Variants in PHF3 observed in about 807,000 individuals in gnomAD.
PHF3 encodes PHD finger protein 3.
A neutral mutation model predicts 178.4 loss-of-function variants in PHF3; 41 were observed. The observed-to-expected ratio is 0.23, with a 90% CI of 0.18 to 0.30. The LOEUF is 0.30. PHF3 is among the 10% of genes least tolerant of loss of function. PHF3 has a pLI of 1.00. For synonymous variants in PHF3, 842 were observed against 800.5 expected, an observed-to-expected ratio of 1.05 and a Z score of -0.88; for missense variants, 2,346 against 2,398.1, an observed-to-expected ratio of 0.98 and a Z score of 0.45.
intron 2 of PHF3, among the ~76,000 whole-genome samples, chr6:63,649,169 C>T (rs897300401): frequency 1.3e-5 from 2 of 151,614 alleles, no homozygotes; most frequent in Non-Finnish European, 1.5e-5. Flanking sequence ...TCTCTTAACT[C>T]CTGGCCTCAA....
chr6:63,655,514 C>A (rs559394998), intron 2 of PHF3, among the ~76,000 whole-genome samples: 1 of 152,106 alleles, frequency 6.6e-6, no homozygotes, highest in Non-Finnish European at 1.5e-5. Flanking sequence ...CGCCTGGCTT[C>A]AGGTGACCTT....
rs1768140867 is a variant in PHF3 at position 63,715,032 on chromosome 6, A to G, written c.*1324A>G. 1 of 152,162 alleles carries G rather than the reference A, an allele frequency of 6.6e-6. No individual in the cohort carries two copies. The highest frequency in any genetic ancestry group is 6.6e-5 in the Admixed American group (1 of 15,266). The allele number at this position is 152,162 out of a possible 1,614,324, so 9.4% of individuals were successfully genotyped here. On this transcript the variant is annotated 3_prime_UTR_variant, in exon 16 of 16. Coordinates refer to ENST00000262043, the MANE Select transcript of PHF3 (RefSeq NM_001370348.2). ...AATACAAAAGAAAGAGAACTCTATTATTTACTTACCTGTATTAATGAAGAA... is the reference window on the plus strand; with the variant it reads ...AATACAAAAGAAAGAGAACTCTATTGTTTACTTACCTGTATTAATGAAGAA...
Position 63,721,821 on chromosome 6 carries a change from T to G in PHF3, c.*8113T>G. The G allele has an allele frequency of 6.6e-7, 1 of 1,525,594 alleles. No homozygotes were observed. The highest frequency in any genetic ancestry group is 8.8e-7 in the Non-Finnish European group (1 of 1,135,592). 94.5% of individuals were successfully genotyped at this position (1,525,594 alleles called of 1,614,324 possible). A position where few individuals can be genotyped will look rare whatever the true frequency, so the allele number is the denominator to read the frequency against. ...ACCTGCAAGAAAGCAAACAGTAAGT[T>G]TGATTAGCAACAGTAAAAGTTTCCA... On this transcript the variant is annotated 3_prime_UTR_variant, in exon 16 of 16. Coordinates refer to ENST00000262043, the MANE Select transcript of PHF3 (RefSeq NM_001370348.2).
chr6:63,703,801 T>C (rs1319954066), intron 11 of PHF3, 130 bp downstream of exon 11: 2 of 808,942 alleles, frequency 2.5e-6, no homozygotes, highest in South Asian at 3.7e-5. Flanking sequence ...TCACAGTCTT[T>C]AAGCTTTCGT....
Position 63,684,203 on chromosome 6 carries a change from G to A in PHF3, c.481G>A (p.Ala161Thr), listed in dbSNP as rs756957709. The change falls in exon 4 of 16, where the codon GCA becomes ACA. Residue 161 changes from alanine (A) to threonine (T), a missense_variant. Ala to Thr is a moderately conservative substitution (Grantham distance 58). Around this residue, in one of 8 missense-constraint regions of PHF3, gnomAD observed 843 missense variants for 795.2 expected, o/e 1.06. Coordinates refer to ENST00000262043, the MANE Select transcript of PHF3 (RefSeq NM_001370348.2). Reference sequence around the variant, plus strand: ...AGCACCATTAAGTAACACAAAAAAAGCATCTGGGAAGACTGTATCTACTGC... The same window carrying A: ...AGCACCATTAAGTAACACAAAAAAAACATCTGGGAAGACTGTATCTACTGC... ...NAAPLSNTKKASGKTVSTAKA... is the reference protein window; with the variant it reads ...NAAPLSNTKKTSGKTVSTAKA... 1 of 1,613,896 alleles carries A rather than the reference G, an allele frequency of 6.2e-7. No homozygotes were observed. The highest frequency in any genetic ancestry group is 8.5e-7 in the Non-Finnish European group (1 of 1,179,876).
chr6:63,707,132 A>G (rs1767728715), intron 13 of PHF3, among the ~76,000 whole-genome samples: 1 of 152,236 alleles, frequency 6.6e-6, no homozygotes, highest in African/African-American at 2.4e-5. Flanking sequence ...ATAATTCAAA[A>G]TCAATGAGAG....
rs112982052 is a variant in PHF3 at position 63,671,813 on chromosome 6, C to A, written c.245-8187C>A. Among the ~76,000 whole-genome samples, 849 of 152,286 alleles carry A rather than the reference C, an allele frequency of 5.6e-3. 6 individuals carry two copies. Among genetic ancestry groups the A allele is most frequent in the African/African-American group, 0.019 (789 of 41,542 alleles). On this transcript the variant is annotated intron_variant, in intron 2 of 15. Transcript: ENST00000262043. ...CAGGCTGGAGTTGCAGTGGTGCGAT[C>A]TCGGCTCACTGGAACCTTCGACTAC...
rs919457551 is a variant in PHF3, at chr6:63,724,482, C to G, written c.*10774C>G. Among the ~76,000 whole-genome samples, 17 of 151,942 alleles carry G rather than the reference C, an allele frequency of 1.1e-4. No homozygotes were observed. Among genetic ancestry groups the G allele is most frequent in the African/African-American group, 4.1e-4 (17 of 41,362 alleles). On this transcript the variant is annotated 3_prime_UTR_variant, in exon 16 of 16. Transcript: ENST00000262043. ...TAACTTCACATTGCAATGACTAGGCCTTTTTATACACGTTGGGAGGATTAT... is the reference window on the plus strand; with the variant it reads ...TAACTTCACATTGCAATGACTAGGCGTTTTTATACACGTTGGGAGGATTAT...
At chr6:63,640,980 C>T (rs1764546481) in intron 1 of PHF3, among the ~76,000 whole-genome samples, 1 of 152,212 alleles carries the variant, frequency 6.6e-6, no homozygotes, top group Non-Finnish European at 1.5e-5. Context: ...TGGGCATACT[C>T]ACCTCTGATT....
Position 63,720,502 on chromosome 6 carries a change from A to C in PHF3, c.*6794A>C. ...TTTAGACTATTTCAGGTAATATAGT[A>C]AACAGTTGATTCCCCGTAAGCAATG... is the stretch of plus-strand genomic sequence containing the variant. On this transcript the variant is annotated 3_prime_UTR_variant, in exon 16 of 16. Coordinates refer to ENST00000262043, the MANE Select transcript of PHF3 (RefSeq NM_001370348.2). 1.1e-6 allele frequency: 1 copy of C among 889,030 alleles called. No individual in the cohort carries two copies. Among genetic ancestry groups the C allele is most frequent in the Non-Finnish European group, 1.7e-6 (1 of 604,192 alleles). 55.1% of individuals were successfully genotyped at this position (889,030 alleles called of 1,614,324 possible). A position where few individuals can be genotyped will look rare whatever the true frequency, so the allele number is the denominator to read the frequency against.
At chr6:63,703,022 C>A (rs1767540503) in intron 10 of PHF3, among the ~76,000 whole-genome samples, 1 of 152,172 alleles carries the variant, frequency 6.6e-6, no homozygotes, top group Admixed American at 6.5e-5. Flanking sequence ...GGATTACAGG[C>A]ATGCGCCAAT....
At chr6:63,651,148 T>A (rs1765003730) in intron 2 of PHF3, among the ~76,000 whole-genome samples, 1 of 152,210 alleles carries the variant, frequency 6.6e-6, no homozygotes, top group Non-Finnish European at 1.5e-5. Context: ...TGGGGTACAG[T>A]AATATTTTTA....
chr6:63,721,859 G>A lies in PHF3; in HGVS notation c.*8151G>A, dbSNP rs1768409941. The A allele has an allele frequency of 2.1e-6, 3 of 1,430,986 alleles. No homozygotes were observed. Among genetic ancestry groups the A allele is most frequent in the African/African-American group, 1.4e-5 (1 of 69,288 alleles). The allele number at this position is 1,430,986 out of a possible 1,614,324, so 88.6% of individuals were successfully genotyped here. A position where few individuals can be genotyped will look rare whatever the true frequency, so the allele number is the denominator to read the frequency against. On this transcript the variant is annotated 3_prime_UTR_variant, in exon 16 of 16. Transcript: ENST00000262043. Reference sequence around the variant, plus strand: ...GTAAAAGTTTCCATTGAAAACTTTTGCTGTTTCTGGCCAAGTTGGATAAGT... The same window carrying A: ...GTAAAAGTTTCCATTGAAAACTTTTACTGTTTCTGGCCAAGTTGGATAAGT...
Position 63,721,879 on chromosome 6 carries a change from A to G in PHF3, c.*8171A>G, listed in dbSNP as rs549917065. ...CTTTTGCTGTTTCTGGCCAAGTTGGATAAGTTTTAGTTATGGGGAAAAAAG... is the reference window on the plus strand; with the variant it reads ...CTTTTGCTGTTTCTGGCCAAGTTGGGTAAGTTTTAGTTATGGGGAAAAAAG... On this transcript the variant is annotated 3_prime_UTR_variant, in exon 16 of 16. Transcript: ENST00000262043. The G allele has an allele frequency of 7.7e-5, 103 of 1,337,636 alleles. No individual in the cohort carries two copies. Among genetic ancestry groups the G allele is most frequent in the South Asian group, 4.5e-4 (29 of 64,930 alleles). The allele number at this position is 1,337,636 out of a possible 1,614,324, so 82.9% of individuals were successfully genotyped here.
Position 63,698,430 on chromosome 6 carries a change from G to T in PHF3, c.2826-19G>T. On this transcript the variant is annotated intron_variant, in intron 7 of 15. Transcript: ENST00000262043. ...TGCTTTATACATTTGAAAAATAATT[G>T]AATTGTTCTAATTTTAAGACTTACA... The T allele has an allele frequency of 3.8e-6, 6 of 1,585,718 alleles. No homozygotes were observed. Among genetic ancestry groups the T allele is most frequent in the Non-Finnish European group, 5.1e-6 (6 of 1,166,176 alleles).
rs375260849 is a variant in PHF3, at chr6:63,710,729, TGTATG to T, written c.3802-434_3802-430del. On this transcript the variant is annotated intron_variant, in intron 14 of 15. Transcript: ENST00000262043. ...AGATTTGTCTGTTTGTGTATATAAA[TGTATG>T]GTAGGGTGGAAGTGTTGGGTGCTTT... 1.2e-4 allele frequency among the ~76,000 whole-genome samples: 18 copies of T among 152,242 alleles called. No homozygotes were observed. In the South Asian group the frequency reaches 3.7e-3, roughly 32 times the overall value.
rs1158383271 is a variant in PHF3, at chr6:63,718,577, T to C, written c.*4869T>C. Among the ~76,000 whole-genome samples the C allele has an allele frequency of 1.3e-5, 2 of 152,068 alleles. No homozygotes were observed. The highest frequency in any genetic ancestry group is 2.9e-5 in the Non-Finnish European group (2 of 67,948). ...TTTCTGACTTAGGGCTGGATTCTCT[T>C]ACCTGCCCTGCATTCAGTGTTTTGT... On this transcript the variant is annotated 3_prime_UTR_variant, in exon 16 of 16. Transcript: ENST00000262043.
At position 63,691,839 on chromosome 6, in the gene PHF3, T is replaced by C. The variant is rs1389994062; in HGVS notation, c.2292T>C (p.Tyr764=). 1 of 1,613,756 alleles carries C rather than the reference T, an allele frequency of 6.2e-7. No homozygotes were observed. The highest frequency in any genetic ancestry group is 1.1e-5 in the South Asian group (1 of 91,070). Residue 764 remains tyrosine, a synonymous_variant, in exon 5 of 16, where the codon TAT becomes TAC. Coordinates refer to ENST00000262043, the MANE Select transcript of PHF3 (RefSeq NM_001370348.2). ...AQQMGEEDKE[Y]VCVKCCAEED... is the part of the protein sequence containing the mutation. ...AGATGGGCGAGGAAGACAAAGAATA[T>C]GTCTGTGTAAAATGTTGTGCTGAAG... is the stretch of plus-strand genomic sequence containing the variant.
chr6:63,686,959 A>G (rs140542962), intron 4 of PHF3, among the ~76,000 whole-genome samples: 1 of 152,286 alleles, frequency 6.6e-6, no homozygotes, highest in Non-Finnish European at 1.5e-5. Flanking sequence ...AATAAGTTTT[A>G]TGTCAAAGTA....
Sources: allele counts gnomAD v4.1 joint callset (sites outside exome capture counted in the v4.1 genomes callset), GRCh38; gene constraint gnomAD v4.1.1; regional missense constraint gnomAD v4.1.1; transcripts MANE v1.5; gene names NCBI Gene and HGNC (gene_info 2026-07-23, HGNC 2026-07-21).